ATM: variants seen among roughly 807,000 people sequenced by gnomAD.
The protein encoded by ATM is ATM serine/threonine kinase.
In ATM, 308 loss-of-function variants were observed where a neutral mutation model predicts 387.0. The observed-to-expected ratio is 0.80, with a 90% CI of 0.73 to 0.87. ATM has a LOEUF of 0.87. Among genes scored for constraint, ATM ranks in the 40% least tolerant of loss-of-function variants. The pLI, the probability that ATM is intolerant of heterozygous loss-of-function variation, is 0.00. For missense variants in ATM, 3,312 were observed against 3,560.9 expected, an observed-to-expected ratio of 0.93 and a Z score of 1.78; for synonymous variants, 1,156 against 1,187.3, an observed-to-expected ratio of 0.97 and a Z score of 0.54.
chr11:108,309,084 T>C lies in ATM; in HGVS notation c.5763-1076T>C, dbSNP rs1170846130. 9 of 1,402,796 alleles carry C rather than the reference T, an allele frequency of 6.4e-6. No individual in the cohort carries two copies. The Admixed American group carries it at 1.2e-4, about 18-fold the overall frequency. 86.9% of individuals were successfully genotyped at this position (1,402,796 alleles called of 1,614,324 possible). ...CTGAAGAATATTCCTGGAGAAAGTA[T>C]GAATGGGATATAGAAAAACGGGTAA... On this transcript the variant is annotated intron_variant, in intron 38 of 62. Coordinates refer to ENST00000675843, the MANE Select transcript of ATM (RefSeq NM_000051.4).
In ATM at chr11:108,232,239, C is replaced by T. The variant is rs73561577; in HGVS notation, c.331+2916C>T. Among the ~76,000 whole-genome samples, 1,483 of 152,232 alleles carry T rather than the reference C, an allele frequency of 9.7e-3. 22 individuals are homozygous for T. The highest frequency in any genetic ancestry group is 0.031 in the African/African-American group (1,299 of 41,546). ...AGTTGAAAATTTGTTTTTTTATTTA[C>T]GGCTTCCTTTTCTTTCAAATTTGAC... On this transcript the variant is annotated intron_variant, in intron 4 of 62. Transcript: ENST00000675843.
At chr11:108,316,145 C>A in intron 42 of ATM, 32 bp downstream of exon 42, 1 of 1,578,910 alleles carries the variant, frequency 6.3e-7, no homozygotes, top group Non-Finnish European at 8.7e-7. Flanking sequence ...GTAAAGCCAT[C>A]ACTAGTGTAG....
chr11:108,265,113 A>C (rs1342612296), intron 16 of ATM, among the ~76,000 whole-genome samples: 4 of 150,612 alleles, frequency 2.7e-5, no homozygotes, highest in Non-Finnish European at 3.0e-5. Context: ...GACTTTCTTC[A>C]CAGAATTGGA....
At chr11:108,289,902 G>C in intron 29 of ATM, 101 bp downstream of exon 29, 1 of 1,179,364 alleles carries the variant, frequency 8.5e-7, no homozygotes, top group South Asian at 1.4e-5. Context: ...GACTCACTCT[G>C]TCCGCCCAGG....
rs623860 is a variant in ATM at position 108,236,055 on chromosome 11, C to T, written c.496+221C>T. The T allele has an allele frequency of 0.61, 337,122 of 551,504 alleles. 104,616 individuals are homozygous for T. The highest frequency in any genetic ancestry group is 0.78 in the African/African-American group (41,386 of 52,846). 34.2% of individuals were successfully genotyped at this position (551,504 alleles called of 1,614,324 possible). A position where few individuals can be genotyped will look rare whatever the true frequency, so the allele number is the denominator to read the frequency against. On this transcript the variant is annotated intron_variant, in intron 5 of 62. Transcript: ENST00000675843. Reference sequence around the variant, plus strand: ...TATATCAGGTGCCTGATATCAGAGCCGGAATTACAGTTGAAAAATACCATC... The same window carrying T: ...TATATCAGGTGCCTGATATCAGAGCTGGAATTACAGTTGAAAAATACCATC...
rs1030166498 is a variant in ATM at position 108,264,357 on chromosome 11, G to A, written c.2467-2814G>A. The stretch of plus-strand genomic sequence containing the variant: ...CAAATCAATAAATGTAATCCAGCAT[G>A]TAAACAGAACCAAAGACAAAAAACA... On this transcript the variant is annotated intron_variant, in intron 16 of 62. Transcript: ENST00000675843. Among the ~76,000 whole-genome samples the A allele has an allele frequency of 8.5e-4, 130 of 152,204 alleles. 2 individuals are homozygous for A. Among genetic ancestry groups the A allele is most frequent in the Non-Finnish European group, 9.4e-4 (64 of 68,008 alleles).
intron 43 of ATM, 29 bp from the exon 44 acceptor site, chr11:108,319,925 T>G (rs771588132): frequency 1.9e-5 from 29 of 1,493,022 alleles, no homozygotes; most frequent in Non-Finnish European, 2.5e-5. Context: ...TGTTTTTAAG[T>G]ATATTTTTTT....
intron 35 of ATM, 127 bp downstream of exon 35, chr11:108,301,916 T>C: frequency 9.4e-7 from 1 of 1,063,956 alleles, no homozygotes; most frequent in Non-Finnish European, 1.4e-6. Context: ...CTATAAGTAA[T>C]TTAAGCCATA....
chr11:108,327,872 AT>A (rs1368808959), intron 48 of ATM, 114 bp downstream of exon 48: 16 of 872,244 alleles, frequency 1.8e-5, no homozygotes, highest in Middle Eastern at 2.2e-4. Flanking sequence ...ATTTTTCTAT[AT>A]ATTATTACTG....
intron 8 of ATM, 90 bp from the exon 9 acceptor site, chr11:108,248,843 G>A (rs751255428): frequency 1.4e-5 from 15 of 1,108,244 alleles, no homozygotes; most frequent in Admixed American, 4.8e-5. Context: ...ATACGAGATC[G>A]TGCTGTTCCA....
At chr11:108,266,296 A>G (rs1246167883) in intron 16 of ATM, among the ~76,000 whole-genome samples, 4 of 151,936 alleles carry the variant, frequency 2.6e-5, no homozygotes, top group South Asian at 2.1e-4. Context: ...ATGGAATACT[A>G]TGCAGCCATA....
chr11:108,307,174 G>C (rs918586166), intron 37 of ATM, among the ~76,000 whole-genome samples: 1 of 148,670 alleles, frequency 6.7e-6, no homozygotes, highest in Non-Finnish European at 1.5e-5. Flanking sequence ...TCTTGAGACA[G>C]AGTCTCGCTG....
intron 16 of ATM, among the ~76,000 whole-genome samples, chr11:108,263,496 G>A (rs1357679180): frequency 2.6e-5 from 3 of 115,944 alleles, no homozygotes; most frequent in Non-Finnish European, 1.8e-5. Flanking sequence ...GTGTGTAGAG[G>A]GAAATTTATA....
At chr11:108,361,895 C>G (rs1277439811) in intron 61 of ATM, among the ~76,000 whole-genome samples, 1 of 149,930 alleles carries the variant, frequency 6.7e-6, no homozygotes, top group Non-Finnish European at 1.5e-5. Context: ...TGGGCAAGGA[C>G]TTCATGTCCA....
intron 7 of ATM, among the ~76,000 whole-genome samples, chr11:108,245,455 A>C: frequency 6.6e-6 from 1 of 152,200 alleles, no homozygotes; most frequent in East Asian, 1.9e-4. Context: ...CTCCTGAGGA[A>C]GATACATACA....
rs1565442034 is a variant in ATM at position 108,281,111 on chromosome 11, G to C, written c.3519G>C (p.Leu1173Phe). 1.2e-6 allele frequency: 2 copies of C among 1,613,922 alleles called. No homozygotes were observed. Among genetic ancestry groups the C allele is most frequent in the Non-Finnish European group, 1.7e-6 (2 of 1,179,952 alleles). Residue 1173 changes from leucine (L) to phenylalanine (F), a missense_variant, in exon 24 of 63, where the codon TTG becomes TTC. Transcript: ENST00000675843. Reference protein sequence around the residue: ...SCSPICEKQALFALCKSVKEN... With the variant: ...SCSPICEKQAFFALCKSVKEN... ...GCCCTATCTGCGAAAAACAGGCTTT[G>C]TTTGCCCTGTGTAAATCTGTGAAAG... is the stretch of plus-strand genomic sequence containing the variant.
At position 108,280,994 on chromosome 11, in the gene ATM, G is replaced by A. The variant is rs1555091120; in HGVS notation, c.3403-1G>A. 1 of 1,599,904 alleles carries A rather than the reference G, an allele frequency of 6.3e-7. No individual in the cohort carries two copies. The highest frequency in any genetic ancestry group is 8.5e-7 in the Non-Finnish European group (1 of 1,170,710). On this transcript the variant is annotated splice_acceptor_variant, in intron 23 of 62. Transcript: ENST00000675843. LOFTEE classifies it high-confidence loss of function. Reference sequence around the variant, plus strand: ...CATTTTTTTTTTAATTTCTTTTTAAGTCCCATAGTGCTGAGAACCCTGAAA... The same window carrying A: ...CATTTTTTTTTTAATTTCTTTTTAAATCCCATAGTGCTGAGAACCCTGAAA...
At chr11:108,284,534 G>A in intron 26 of ATM, 61 bp downstream of exon 26, 4 of 1,588,156 alleles carry the variant, frequency 2.5e-6, no homozygotes, top group Non-Finnish European at 2.6e-6. Flanking sequence ...TAACCTTTAA[G>A]TTTTAAGGCT....
At position 108,325,335 on chromosome 11, in the gene ATM, G is replaced by A. The variant is rs2085552425; in HGVS notation, c.6598G>A (p.Glu2200Lys). Residue 2200 changes from glutamate to lysine, a missense_variant, in exon 46 of 63, where the codon GAA becomes AAA. By Grantham distance (56) the Glu-to-Lys change is moderately conservative. Transcript: ENST00000675843. ...SRSVTHRQLSEVYIKWQKHSQ... is the reference protein window; with the variant it reads ...SRSVTHRQLSKVYIKWQKHSQ... ...ATCAGTCACACATAGACAACTCTCT[G>A]AAGTATATATTAAGTGGCAGAAACA... 6.2e-7 allele frequency: 1 copy of A among 1,602,158 alleles called. No homozygotes were observed.
Sources: allele counts gnomAD v4.1 joint callset (sites outside exome capture counted in the v4.1 genomes callset), GRCh38; gene constraint gnomAD v4.1.1; transcripts MANE v1.5; gene names NCBI Gene and HGNC (gene_info 2026-07-23, HGNC 2026-07-21).